The following HADHA variants were observed in gnomAD, a reference collection of about 807,000 sequenced individuals.
HADHA encodes hydroxyacyl-CoA dehydrogenase trifunctional multienzyme complex subunit alpha.
Under a neutral mutation model 91.3 loss-of-function variants are expected in HADHA, and 59 were observed. That is an observed-to-expected ratio of 0.65 (90% CI 0.52 to 0.80). The LOEUF is 0.80. Ranked by LOEUF, HADHA falls within the 30% of genes least tolerant of loss-of-function variation. The pLI is 0.00. For missense variants in HADHA, 800 were observed against 927.6 expected (o/e 0.86, Z 1.79); for synonymous variants, 320 against 338.9 (o/e 0.94, Z 0.61).
At chr2:26,194,904 A>G (rs963402646) in intron 15 of HADHA, among the ~76,000 whole-genome samples, 188 bp downstream of exon 15, 3 of 151,928 alleles carry the variant, frequency 2.0e-5, no homozygotes, top group Non-Finnish European at 2.9e-5. Context: ...CACATCCTAG[A>G]TACTCCCCAC....
rs779640035 is a variant in HADHA at position 26,209,836 on chromosome 2, G to A, written c.1029C>T (p.Tyr343=). ...TCTTCTTGCACAGGACCTGACCATG[G>A]TAGAGTCCCATCAAGGCCTTTGATT... ...TKESKALMGL[Y]HGQVLCKKNK... Residue 343 remains tyrosine, a synonymous_variant, in exon 11 of 20, where the codon TAC becomes TAT. Coordinates refer to ENST00000380649, the MANE Select transcript of HADHA (RefSeq NM_000182.5). 1.9e-6 allele frequency: 3 copies of A among 1,607,726 alleles called. No individual in the cohort carries two copies. The highest frequency in any genetic ancestry group is 2.7e-5 in the African/African-American group (2 of 74,752).
Position 26,191,204 on chromosome 2 carries a change from C to T in HADHA, c.*46G>A, listed in dbSNP as rs367911534. The T allele has an allele frequency of 2.6e-5, 42 of 1,594,402 alleles. No individual in the cohort carries two copies. Among genetic ancestry groups the T allele is most frequent in the South Asian group, 9.9e-5 (9 of 90,584 alleles). ...CACTCTGTTGGAGAACCAGCACTGC[C>T]GGCAGCTGGGGTTAGTGCACTGACT... On this transcript the variant is annotated 3_prime_UTR_variant, in exon 20 of 20. Transcript: ENST00000380649.
At chr2:26,244,345 G>C (rs1671017787) in intron 1 of HADHA, among the ~76,000 whole-genome samples, 185 bp downstream of exon 1, 1 of 152,252 alleles carries the variant, frequency 6.6e-6, no homozygotes, top group Non-Finnish European at 1.5e-5. Context: ...CAGGAGTCGT[G>C]AGAGGGGAAG....
intron 14 of HADHA, among the ~76,000 whole-genome samples, chr2:26,196,040 A>G (rs1574604238): frequency 6.6e-6 from 1 of 152,254 alleles, no homozygotes; most frequent in Non-Finnish European, 1.5e-5. Flanking sequence ...ACAACAAGTG[A>G]TATCTGTAAT....
chr2:26,193,447 A>G, intron 17 of HADHA, 130 bp downstream of exon 17: 1 of 831,516 alleles, frequency 1.2e-6, no homozygotes, highest in East Asian at 2.4e-5. Flanking sequence ...CATTTTTGAA[A>G]TCGCCAGTGA....
chr2:26,208,222 T>C (rs969388332), intron 11 of HADHA, among the ~76,000 whole-genome samples: 1 of 152,158 alleles, frequency 6.6e-6, no homozygotes, highest in African/African-American at 2.4e-5. Context: ...TTCTTCTGCA[T>C]TGTGGTTGTT....
At chr2:26,218,113 C>G (rs1418365267) in intron 7 of HADHA, among the ~76,000 whole-genome samples, 1 of 152,010 alleles carries the variant, frequency 6.6e-6, no homozygotes, top group Non-Finnish European at 1.5e-5. Context: ...CAAGACCAGC[C>G]TGGCCAACAT....
In HADHA at chr2:26,215,407, T is replaced by C. The variant is rs962217; in HGVS notation, c.677-232A>G. On this transcript the variant is annotated intron_variant, in intron 7 of 19. Coordinates refer to ENST00000380649, the MANE Select transcript of HADHA (RefSeq NM_000182.5). The stretch of plus-strand genomic sequence containing the variant: ...CGCGGTCTTTAACTGTTTCATTTGG[T>C]TTCCACTTCTGAGTAGAATGTAGTA... Among the ~76,000 whole-genome samples the C allele has an allele frequency of 0.82, 125,125 of 152,132 alleles. 51,813 individuals are homozygous for C. The highest frequency in any genetic ancestry group is 0.93 in the African/African-American group (38,737 of 41,518).
rs775800474 is a variant in HADHA at position 26,209,884 on chromosome 2, A to G, written c.981T>C (p.Phe327=). 3.3e-6 allele frequency: 5 copies of G among 1,527,918 alleles called. No homozygotes were observed. In the East Asian group the frequency reaches 1.1e-4, roughly 34 times the overall value. 94.6% of individuals were successfully genotyped at this position (1,527,918 alleles called of 1,614,324 possible). The change falls in exon 11 of 20, where the codon TTT becomes TTC. Residue 327 remains phenylalanine (F), a synonymous_variant. Transcript: ENST00000380649. ...ATTCTTTGGTCATTACAAGCTCTCC[A>G]AATTTCTGAAAAGTAAAGGGGAATG... ...DAGYLCESQK[F]GELVMTKESK...
chr2:26,208,296 T>C (rs943040399), intron 11 of HADHA, among the ~76,000 whole-genome samples: 2 of 152,196 alleles, frequency 1.3e-5, no homozygotes. Flanking sequence ...TTTTTTCTTA[T>C]ATTAGCTTTT....
At chr2:26,228,134 A>C (rs1385025046) in intron 7 of HADHA, among the ~76,000 whole-genome samples, 3 of 142,178 alleles carry the variant, frequency 2.1e-5, no homozygotes, top group Non-Finnish European at 4.6e-5. Flanking sequence ...CCACATAAAG[A>C]CTTTTTTTTT....
intron 13 of HADHA, among the ~76,000 whole-genome samples, chr2:26,199,545 C>T (rs1280870923): frequency 6.6e-6 from 1 of 152,080 alleles, no homozygotes; most frequent in African/African-American, 2.4e-5. Flanking sequence ...TCTTCCCTTC[C>T]TTGGACATGT....
chr2:26,237,629 A>G (rs1670792935), intron 3 of HADHA, among the ~76,000 whole-genome samples: 1 of 152,028 alleles, frequency 6.6e-6, no homozygotes, highest in Non-Finnish European at 1.5e-5. Context: ...CCCTATCTTC[A>G]AAAAAAACCA....
chr2:26,237,235 A>G (rs1043119718), intron 3 of HADHA, among the ~76,000 whole-genome samples: 5 of 152,238 alleles, frequency 3.3e-5, no homozygotes, highest in Non-Finnish European at 7.3e-5. Flanking sequence ...GGTCATCCTC[A>G]GAGTTTGAAT....
intron 7 of HADHA, among the ~76,000 whole-genome samples, chr2:26,222,684 CTTATGGTATCCCACACCA>C (rs1013999428): frequency 6.6e-6 from 1 of 152,100 alleles, no homozygotes; most frequent in Non-Finnish European, 1.5e-5. Context: ...TATAGAGTAC[CTTATGGTATCCCACACCA>C]TTATGGTATC....
chr2:26,228,548 T>C (rs1670537014), intron 7 of HADHA, among the ~76,000 whole-genome samples: 1 of 152,226 alleles, frequency 6.6e-6, no homozygotes, highest in Non-Finnish European at 1.5e-5. Flanking sequence ...CTATGGTACA[T>C]TTCTACAATG....
Position 26,194,568 on chromosome 2 carries a change from A to G in HADHA, c.1689+2T>C. 6.3e-7 allele frequency: 1 copy of G among 1,592,926 alleles called. No individual in the cohort carries two copies. The highest frequency in any genetic ancestry group is 8.6e-7 in the Non-Finnish European group (1 of 1,160,714). ...GCAAACACTCTGGAGAGCAATACCA[A>G]CCTGGAGGATTCGGATGACTTCAGA... On this transcript the variant is annotated splice_donor_variant, in intron 16 of 19. Coordinates refer to ENST00000380649, the MANE Select transcript of HADHA (RefSeq NM_000182.5). LOFTEE classifies it high-confidence loss of function.
chr2:26,192,605 G>A (rs1305943805), intron 17 of HADHA, among the ~76,000 whole-genome samples, 181 bp from the exon 18 acceptor site: 1 of 152,060 alleles, frequency 6.6e-6, no homozygotes, highest in Non-Finnish European at 1.5e-5. Context: ...GGCCAACATG[G>A]TGAAACCCCA....
chr2:26,226,336 G>T (rs1670483867), intron 7 of HADHA, among the ~76,000 whole-genome samples: 1 of 152,086 alleles, frequency 6.6e-6, no homozygotes, highest in Non-Finnish European at 1.5e-5. Context: ...TATAAAATTT[G>T]TACACAAATG....
Sources: gnomAD v4.1 joint callset for allele counts (sites outside exome capture counted in the v4.1 genomes callset) on GRCh38, gnomAD v4.1.1 for gene constraint, MANE v1.5 for transcripts, NCBI Gene and HGNC (gene_info 2026-07-23, HGNC 2026-07-21) for gene names.